Variants in BNC2 observed in about 807,000 individuals in gnomAD.
BNC2 encodes the protein basonuclin zinc finger protein 2.
A neutral mutation model predicts 76.3 loss-of-function variants in BNC2; 20 were observed. The observed-to-expected ratio is 0.26, with a 90% CI of 0.18 to 0.38. BNC2 has a LOEUF of 0.38. BNC2 is among the 10% of genes least tolerant of loss of function. The pLI, the probability that BNC2 is intolerant of heterozygous loss-of-function variation, is 1.00. For synonymous variants in BNC2, 582 were observed against 514.8 expected, an observed-to-expected ratio of 1.13 and a Z score of -1.77; for missense variants, 1,382 against 1,399.8, an observed-to-expected ratio of 0.99 and a Z score of 0.20.
chr9:16,682,457 TCA>T (rs1822853790), intron 3 of BNC2, among the ~76,000 whole-genome samples: 1 of 151,892 alleles, frequency 6.6e-6, no homozygotes, highest in Non-Finnish European at 1.5e-5. Flanking sequence ...CCTGGCAAAT[TCA>T]CAGTAGCTTG....
intron 1 of BNC2, among the ~76,000 whole-genome samples, chr9:16,821,233 C>CA (rs71491694): frequency 9.7e-4 from 109 of 112,646 alleles, no homozygotes; most frequent in African/African-American, 2.4e-3. Context: ...AACTCCGTCT[C>CA]AAAAAAAAAA....
At chr9:16,460,664 T>C (rs1171601824) in intron 5 of BNC2, among the ~76,000 whole-genome samples, 2 of 152,136 alleles carry the variant, frequency 1.3e-5, no homozygotes, top group East Asian at 1.9e-4. Flanking sequence ...TCCTCTATTA[T>C]ATGAGGCATG....
intron 4 of BNC2, among the ~76,000 whole-genome samples, chr9:16,578,107 T>A (rs1819536708): frequency 6.6e-6 from 1 of 152,300 alleles, no homozygotes; most frequent in East Asian, 1.9e-4. Context: ...AAGAAAAAGT[T>A]ACTGATCTAG....
At chr9:16,839,779 A>T (rs990344542) in intron 1 of BNC2, among the ~76,000 whole-genome samples, 5 of 152,228 alleles carry the variant, frequency 3.3e-5, no homozygotes, top group African/African-American at 4.8e-5. Context: ...GAAAAACGTA[A>T]TTTCCAATAT....
intron 4 of BNC2, among the ~76,000 whole-genome samples, chr9:16,582,465 CA>C (rs1322955163): frequency 1.3e-5 from 2 of 152,172 alleles, no homozygotes; most frequent in African/African-American, 4.8e-5. Flanking sequence ...GGAGTATTTA[CA>C]GGTTATATTT....
rs766599613 is a variant in BNC2 at position 16,418,951 on chromosome 9, T to G, written c.*38A>C. 1.2e-6 allele frequency: 2 copies of G among 1,607,280 alleles called. No homozygotes were observed. The highest frequency in any genetic ancestry group is 1.7e-6 in the Non-Finnish European group (2 of 1,174,276). The stretch of plus-strand genomic sequence containing the variant: ...TATGGCAGTTCAAACACGTAGGCCA[T>G]CTGGTGAGAGCTGGCATTTGTAGTG... On this transcript the variant is annotated 3_prime_UTR_variant, in exon 7 of 7. Transcript: ENST00000380672.
intron 1 of BNC2, among the ~76,000 whole-genome samples, chr9:16,860,961 G>T (rs921727522): frequency 2.6e-5 from 4 of 151,724 alleles, no homozygotes; most frequent in Non-Finnish European, 5.9e-5. Flanking sequence ...CAGGACAATG[G>T]CTTAAACCCA....
intron 5 of BNC2, among the ~76,000 whole-genome samples, chr9:16,457,601 C>T (rs1324502678): frequency 1.3e-5 from 2 of 152,182 alleles, no homozygotes; most frequent in East Asian, 3.9e-4. Flanking sequence ...AGCTCATTTG[C>T]AACTCAGTGC....
chr9:16,423,359 C>G (rs1299012691), intron 6 of BNC2, among the ~76,000 whole-genome samples: 1 of 152,110 alleles, frequency 6.6e-6, no homozygotes, highest in South Asian at 2.1e-4. Context: ...GGAAGTTCCT[C>G]TTACAGAAAA....
In BNC2 at chr9:16,626,951, G is replaced by A. The variant is rs569485641; in HGVS notation, c.331-43866C>T. Reference sequence around the variant, plus strand: ...CTGCCGCTTGTTTACCAAACAGCACGGGCATGTCTCCGTGTCGGTAACTTC... The same window carrying A: ...CTGCCGCTTGTTTACCAAACAGCACAGGCATGTCTCCGTGTCGGTAACTTC... On this transcript the variant is annotated intron_variant, in intron 3 of 6. Coordinates refer to ENST00000380672, the MANE Select transcript of BNC2 (RefSeq NM_017637.6). Among the ~76,000 whole-genome samples, 15 of 152,248 alleles carry A rather than the reference G, an allele frequency of 9.9e-5. No homozygotes were observed. In the South Asian group the frequency reaches 2.7e-3, roughly 27 times the overall value.
chr9:16,794,511 C>T (rs532270266), intron 1 of BNC2, among the ~76,000 whole-genome samples: 3 of 152,120 alleles, frequency 2.0e-5, no homozygotes, highest in African/African-American at 4.8e-5. Flanking sequence ...CTAAAAGATC[C>T]GTATGACAAC....
intron 1 of BNC2, among the ~76,000 whole-genome samples, chr9:16,849,125 G>C (rs1299199007): frequency 6.6e-6 from 1 of 151,926 alleles, no homozygotes; most frequent in Non-Finnish European, 1.5e-5. Flanking sequence ...GAAAATTCCA[G>C]AGTTTCAGAG....
chr9:16,805,334 G>A (rs7865762), intron 1 of BNC2, among the ~76,000 whole-genome samples: 1 of 150,372 alleles, frequency 6.7e-6, no homozygotes, highest in African/African-American at 2.4e-5. Context: ...TTTTTTGTTG[G>A]TTTTTTTTTG....
At chr9:16,820,037 A>T (rs186970189) in intron 1 of BNC2, among the ~76,000 whole-genome samples, 1 of 147,782 alleles carries the variant, frequency 6.8e-6, no homozygotes, top group Non-Finnish European at 1.5e-5. Flanking sequence ...AGGCAGGAGA[A>T]TCGCTTGTGC....
rs1213239450 is a variant in BNC2, at chr9:16,596,879, G to A, written c.331-13794C>T. Among the ~76,000 whole-genome samples, 6 of 152,210 alleles carry A rather than the reference G, an allele frequency of 3.9e-5. No homozygotes were observed. The East Asian group carries it at 7.7e-4, about 20-fold the overall frequency. Reference sequence around the variant, plus strand: ...TTGTATTTACTAAGTTCATGGCAACGAAGAAAAGCAGAGAAAAATACTCCA... The same window carrying A: ...TTGTATTTACTAAGTTCATGGCAACAAAGAAAAGCAGAGAAAAATACTCCA... On this transcript the variant is annotated intron_variant, in intron 3 of 6. Transcript: ENST00000380672.
chr9:16,503,909 T>G (rs574137950), intron 5 of BNC2, among the ~76,000 whole-genome samples: 36 of 152,320 alleles, frequency 2.4e-4, no homozygotes, highest in African/African-American at 6.7e-4. Flanking sequence ...TGATAGTTAT[T>G]AAGTTCAAGA....
intron 4 of BNC2, among the ~76,000 whole-genome samples, chr9:16,561,558 T>C (rs1392962290): frequency 1.4e-5 from 2 of 138,110 alleles, no homozygotes. Context: ...GGCCTCCAAG[T>C]ACATGAATTC....
intron 4 of BNC2, among the ~76,000 whole-genome samples, chr9:16,559,214 AG>A (rs1818935457): frequency 6.6e-6 from 1 of 152,206 alleles, no homozygotes; most frequent in South Asian, 2.1e-4. Flanking sequence ...ACCATGGCCC[AG>A]GATGGCTTTG....
chr9:16,810,020 G>A (rs994811859), intron 1 of BNC2, among the ~76,000 whole-genome samples: 7 of 152,104 alleles, frequency 4.6e-5, no homozygotes, highest in Non-Finnish European at 7.4e-5. Context: ...AAAATGCAAA[G>A]GTATGATTAA....
Sources: gnomAD v4.1 joint callset for allele counts (sites outside exome capture counted in the v4.1 genomes callset) on GRCh38, gnomAD v4.1.1 for gene constraint, MANE v1.5 for transcripts, NCBI Gene and HGNC (gene_info 2026-07-23, HGNC 2026-07-21) for gene names.